The following MAST4 variants were observed in gnomAD, a reference collection of about 807,000 sequenced individuals.
MAST4 encodes the protein microtubule associated serine/threonine kinase family member 4.
MAST4 carries 89 observed loss-of-function variants against 162.7 expected under a neutral mutation model. That is an observed-to-expected ratio of 0.55 (90% CI 0.46 to 0.65). The LOEUF is 0.65. MAST4 is among the 30% of genes least tolerant of loss of function. MAST4 has a pLI of 0.00. For synonymous variants in MAST4, 1,479 were observed against 1,361.1 expected (o/e 1.09, Z -1.91); for missense variants, 3,153 against 3,374.0 (o/e 0.93, Z 1.62).
At chr5:66,983,360 G>A (rs1034575907) in intron 4 of MAST4, among the ~76,000 whole-genome samples, 2 of 152,230 alleles carry the variant, frequency 1.3e-5, no homozygotes, top group African/African-American at 2.4e-5. Flanking sequence ...GAATCTGTAT[G>A]TGTGACTTTG....
chr5:67,111,466 A>G (rs921827273), intron 11 of MAST4, among the ~76,000 whole-genome samples: 2 of 152,180 alleles, frequency 1.3e-5, no homozygotes, highest in Admixed American at 6.5e-5. Flanking sequence ...CTTTCTATCA[A>G]TGGTGAGGAC....
chr5:67,003,453 C>T (rs1170593736), intron 4 of MAST4, among the ~76,000 whole-genome samples: 1 of 152,166 alleles, frequency 6.6e-6, no homozygotes, highest in Non-Finnish European at 1.5e-5. Flanking sequence ...TTTACCCCGC[C>T]TACCTTGTCA....
chr5:66,799,268 CA>C (rs1755801312), intron 3 of MAST4, among the ~76,000 whole-genome samples: 1 of 152,214 alleles, frequency 6.6e-6, no homozygotes, highest in African/African-American at 2.4e-5. Flanking sequence ...TTAGTGTACA[CA>C]CTGCCTCTTC....
At chr5:67,102,488 C>A in intron 8 of MAST4, 48 bp from the exon 9 acceptor site, 1 of 1,517,370 alleles carries the variant, frequency 6.6e-7, no homozygotes, top group Non-Finnish European at 9.2e-7. Flanking sequence ...AGCTTATTTT[C>A]ATTTCATGCT....
intron 1 of MAST4, among the ~76,000 whole-genome samples, chr5:66,714,993 T>C (rs191474811): frequency 1.6e-4 from 25 of 152,350 alleles, no homozygotes; most frequent in African/African-American, 4.6e-4. Context: ...TCAACAGATA[T>C]GGGTTTATGC....
rs543149700 is a variant in MAST4, at chr5:66,954,883, A to G, written c.674+54901A>G. Among the ~76,000 whole-genome samples, 189 of 146,400 alleles carry G rather than the reference A, an allele frequency of 1.3e-3. 1 individual carries two copies. Among genetic ancestry groups the G allele is most frequent in the African/African-American group, 5.1e-3 (183 of 36,182 alleles). On this transcript the variant is annotated intron_variant, in intron 4 of 28. Transcript: ENST00000403625. ...GCTACTGCACTCCAGCCTGGGCAAC[A>G]GAGCAAGACTCTGTCTCAAAAAAAA...
At chr5:66,864,832 C>G (rs1195265682) in intron 3 of MAST4, among the ~76,000 whole-genome samples, 2 of 152,152 alleles carry the variant, frequency 1.3e-5, no homozygotes, top group East Asian at 3.9e-4. Flanking sequence ...GAGACAGTTT[C>G]TGTTGTTGAA....
intron 4 of MAST4, among the ~76,000 whole-genome samples, chr5:67,006,738 G>T (rs1218723798): frequency 6.6e-6 from 1 of 152,140 alleles, no homozygotes; most frequent in Admixed American, 6.5e-5. Flanking sequence ...GCTGCTCTGA[G>T]CCTGGCTTTA....
intron 1 of MAST4, among the ~76,000 whole-genome samples, chr5:66,623,369 A>C (rs1417611973): frequency 3.3e-5 from 5 of 152,348 alleles, no homozygotes; most frequent in Admixed American, 2.0e-4. Context: ...AATCCCTGAT[A>C]AACATAGATG....
At chr5:67,049,008 C>T (rs1005084498) in intron 4 of MAST4, among the ~76,000 whole-genome samples, 1 of 104,520 alleles carries the variant, frequency 9.6e-6, no homozygotes, top group Admixed American at 9.9e-5. Flanking sequence ...TATACACACA[C>T]ATATATATAT....
At chr5:67,129,237 C>A (rs749698096) in intron 14 of MAST4, among the ~76,000 whole-genome samples, 1 of 152,158 alleles carries the variant, frequency 6.6e-6, no homozygotes, top group Non-Finnish European at 1.5e-5. Context: ...CATGGGGTAG[C>A]ACATGCTGAG....
intron 4 of MAST4, among the ~76,000 whole-genome samples, chr5:66,921,905 C>A (rs1764565522): frequency 6.6e-6 from 1 of 152,116 alleles, no homozygotes; most frequent in Non-Finnish European, 1.5e-5. Context: ...GAAAATGCTG[C>A]CTTTATTCAA....
At chr5:66,857,890 C>T (rs1759804498) in intron 3 of MAST4, among the ~76,000 whole-genome samples, 1 of 152,054 alleles carries the variant, frequency 6.6e-6, no homozygotes, top group South Asian at 2.1e-4. Flanking sequence ...TTTACTTTCT[C>T]TACCTATTTA....
chr5:66,661,989 T>C (rs1473048798), intron 1 of MAST4, among the ~76,000 whole-genome samples: 1 of 152,128 alleles, frequency 6.6e-6, no homozygotes, highest in Admixed American at 6.5e-5. Context: ...AGTCATGCAT[T>C]ATAGGTGATA....
chr5:66,989,253 A>G (rs1020664821), intron 4 of MAST4, among the ~76,000 whole-genome samples: 1 of 152,182 alleles, frequency 6.6e-6, no homozygotes, highest in East Asian at 1.9e-4. Context: ...CATTTTTCAA[A>G]CCGCACCTGC....
chr5:67,032,593 A>C (rs1392559478), intron 4 of MAST4, among the ~76,000 whole-genome samples: 1 of 152,116 alleles, frequency 6.6e-6, no homozygotes, highest in Non-Finnish European at 1.5e-5. Flanking sequence ...ATTATTTTAC[A>C]TCAAGAACAA....
chr5:66,865,743 C>G (rs1222516943), intron 3 of MAST4, among the ~76,000 whole-genome samples: 3 of 152,142 alleles, frequency 2.0e-5, no homozygotes, highest in Admixed American at 6.5e-5. Context: ...CAAGTCACAT[C>G]ATCAATTCAG....
At chr5:67,065,887 C>T (rs1561601500) in intron 5 of MAST4, among the ~76,000 whole-genome samples, 3 of 152,100 alleles carry the variant, frequency 2.0e-5, no homozygotes, top group African/African-American at 4.8e-5. Flanking sequence ...TTTGGAGTAA[C>T]AGTGAGTAAT....
chr5:66,971,963 CA>C (rs1190378632), intron 4 of MAST4, among the ~76,000 whole-genome samples: 19 of 152,036 alleles, frequency 1.2e-4, no homozygotes, highest in African/African-American at 4.6e-4. Flanking sequence ...ATGTGAAACT[CA>C]GAGATGCCTC....
Sources: allele counts gnomAD v4.1 joint callset (sites outside exome capture counted in the v4.1 genomes callset), GRCh38; gene constraint gnomAD v4.1.1; transcripts MANE v1.5; gene names NCBI Gene and HGNC (gene_info 2026-07-23, HGNC 2026-07-21).